Variants in COG3 observed in about 807,000 individuals in gnomAD.
COG3 encodes the protein component of oligomeric golgi complex 3, also known as conserved oligomeric Golgi complex subunit 3.
In COG3, 32 loss-of-function variants were observed where a neutral mutation model predicts 114.1. The ratio of observed to expected loss-of-function variants is 0.28; its 90% CI spans 0.21 to 0.38. The LOEUF is 0.38. Among genes scored for constraint, COG3 ranks in the 10% least tolerant of loss-of-function variants. COG3 has a pLI of 1.00. For missense variants in COG3, 813 were observed against 973.2 expected (o/e 0.84, Z 2.19); for synonymous variants, 352 against 365.7 (o/e 0.96, Z 0.43).
intron 13 of COG3, among the ~76,000 whole-genome samples, chr13:45,499,911 G>A (rs1869267201): frequency 2.0e-5 from 3 of 151,882 alleles, no homozygotes; most frequent in Admixed American, 6.6e-5. Flanking sequence ...CTAGCTACTC[G>A]GGAGGCAGAG....
intron 19 of COG3, among the ~76,000 whole-genome samples, chr13:45,524,473 G>C (rs999841622): frequency 3.9e-5 from 6 of 152,154 alleles, no homozygotes; most frequent in African/African-American, 1.4e-4. Context: ...GTGACTTTTT[G>C]ATGGTATTTG....
Position 45,476,259 on chromosome 13 carries a change from C to T in COG3, c.233C>T (p.Ser78Leu), listed in dbSNP as rs1885856231. 6.2e-7 allele frequency: 1 copy of T among 1,613,590 alleles called. No homozygotes were observed. The highest frequency in any genetic ancestry group is 1.3e-5 in the African/African-American group (1 of 74,906). The change falls in exon 2 of 23, where the codon TCA becomes TTA. Residue 78 changes from serine (S) to leucine (L), a missense_variant. Transcript: ENST00000349995. ...TSQSLPIELTSVVPESTEDIL... is the reference protein window; with the variant it reads ...TSQSLPIELTLVVPESTEDIL... ...CAGTCACTGCCCATTGAACTGACTT[C>T]AGTAGTGCCTGAATCTACAGAAGAC...
chr13:45,529,722 C>A, intron 20 of COG3, 69 bp from the exon 21 acceptor site: 1 of 1,203,080 alleles, frequency 8.3e-7, no homozygotes, highest in Non-Finnish European at 1.2e-6. Flanking sequence ...CTTTATTCCC[C>A]TTTGAATTAA....
At chr13:45,518,622 ACT>A (rs1593742432) in intron 17 of COG3, 138 bp from the exon 18 acceptor site, 1 of 625,144 alleles carries the variant, frequency 1.6e-6, no homozygotes, top group Non-Finnish European at 2.9e-6. Flanking sequence ...TGCTCATCTC[ACT>A]CTCAGCCTTT....
chr13:45,482,735 A>G lies in COG3; in HGVS notation c.717+262A>G, dbSNP rs943256486. Among the ~76,000 whole-genome samples, 6 of 152,354 alleles carry G rather than the reference A, an allele frequency of 3.9e-5. No homozygotes were observed. The East Asian group carries it at 9.6e-4, about 24-fold the overall frequency. On this transcript the variant is annotated intron_variant, in intron 6 of 22. Transcript: ENST00000349995. ...CCTGCAATAGCCCCTGGAATGGAAC[A>G]CATCCTGGCTGACTCAGCTTTATCC... is the stretch of plus-strand genomic sequence containing the variant.
rs757846949 is a variant in COG3 at position 45,534,742 on chromosome 13, C to T, written c.*11C>T. 1.3e-5 allele frequency: 21 copies of T among 1,556,422 alleles called. No homozygotes were observed. Among genetic ancestry groups the T allele is most frequent in the African/African-American group, 8.2e-5 (6 of 73,466 alleles). ...TTGGTTTCTAAATAAGCAGGCCAGC[C>T]GGGCTGTGCACCTAAATGTCTGTCT... On this transcript the variant is annotated 3_prime_UTR_variant, in exon 23 of 23. Coordinates refer to ENST00000349995, the MANE Select transcript of COG3 (RefSeq NM_031431.4).
At position 45,513,183 on chromosome 13, in the gene COG3, T is replaced by TTA. The variant is rs140278870; in HGVS notation, c.1809+1344_1809+1345dup. 1.6e-4 allele frequency among the ~76,000 whole-genome samples: 19 copies of TTA among 122,534 alleles called. 1 individual carries two copies. The highest frequency in any genetic ancestry group is 3.8e-4 in the African/African-American group (13 of 33,892). The allele number at this position is 122,534 out of a possible 152,430, so 80.4% of individuals were successfully genotyped here. On this transcript the variant is annotated intron_variant, in intron 16 of 22. Coordinates refer to ENST00000349995, the MANE Select transcript of COG3 (RefSeq NM_031431.4). Reference sequence around the variant, plus strand: ...TTTATAAACGTGACTTTTAAGGCTTTTATATATATATATATAATATATACA... The same window carrying TTA: ...TTTATAAACGTGACTTTTAAGGCTTTTATATATATATATATATAATATATACA...
rs1555296637 is a variant in COG3, at chr13:45,498,783, C to CT, written c.1488+2486dup. 4.3e-3 allele frequency among the ~76,000 whole-genome samples: 447 copies of CT among 103,002 alleles called. 2 individuals carry two copies. Among genetic ancestry groups the CT allele is most frequent in the South Asian group, 0.012 (38 of 3,180 alleles). The allele number at this position is 103,002 out of a possible 152,430, so 67.6% of individuals were successfully genotyped here. ...TGGGAAGCAGTTTTGCTATTTTGTT[C>CT]TTTTTTTTTTTTTTTCAAATTGTTT... is the stretch of plus-strand genomic sequence containing the variant. On this transcript the variant is annotated intron_variant, in intron 13 of 22. Transcript: ENST00000349995.
At chr13:45,517,794 A>T (rs986963060) in intron 17 of COG3, among the ~76,000 whole-genome samples, 5 of 151,798 alleles carry the variant, frequency 3.3e-5, no homozygotes, top group Admixed American at 1.3e-4. Flanking sequence ...ACTTTCTTTC[A>T]TTTTTTTCTA....
At chr13:45,504,259 C>A (rs1275482965) in intron 14 of COG3, among the ~76,000 whole-genome samples, 1 of 152,210 alleles carries the variant, frequency 6.6e-6, no homozygotes, top group Non-Finnish European at 1.5e-5. Flanking sequence ...GACTGTCAAG[C>A]AGCTGGATAT....
chr13:45,475,991 G>A (rs1378943208), intron 1 of COG3, among the ~76,000 whole-genome samples: 1 of 151,848 alleles, frequency 6.6e-6, no homozygotes, highest in African/African-American at 2.4e-5. Context: ...CTTACTAATG[G>A]TGGGACATCA....
At chr13:45,517,542 C>T (rs1159241448) in intron 17 of COG3, among the ~76,000 whole-genome samples, 2 of 150,262 alleles carry the variant, frequency 1.3e-5, no homozygotes, top group Non-Finnish European at 2.9e-5. Context: ...AAGTGGCACA[C>T]CATGTGTTTT....
chr13:45,475,776 G>A (rs1260295002), intron 1 of COG3, among the ~76,000 whole-genome samples: 2 of 151,850 alleles, frequency 1.3e-5, no homozygotes, highest in Non-Finnish European at 2.9e-5. Flanking sequence ...ACCAGCCTGG[G>A]CAACATGTAT....
At chr13:45,479,855 T>C (rs984367373) in intron 3 of COG3, among the ~76,000 whole-genome samples, 4 of 152,228 alleles carry the variant, frequency 2.6e-5, no homozygotes, top group South Asian at 2.1e-4. Context: ...GTTGAGCCAG[T>C]GATTCATTGC....
intron 20 of COG3, among the ~76,000 whole-genome samples, chr13:45,529,403 T>C (rs1236090886): frequency 6.6e-6 from 1 of 152,190 alleles, no homozygotes; most frequent in Non-Finnish European, 1.5e-5. Context: ...GTGAGTCATT[T>C]CTGCAAATGA....
chr13:45,474,178 G>A, intron 1 of COG3, among the ~76,000 whole-genome samples: 1 of 79,510 alleles, frequency 1.3e-5, no homozygotes, highest in South Asian at 3.9e-4. Flanking sequence ...TTTTTTTTGA[G>A]ATGGAGTCTC....
intron 2 of COG3, among the ~76,000 whole-genome samples, chr13:45,478,678 G>A (rs576450393): frequency 1.3e-4 from 19 of 151,996 alleles, no homozygotes; most frequent in Admixed American, 3.3e-4. Context: ...TAGTAGAGAC[G>A]GGGTTTTACC....
chr13:45,474,151 C>CT (rs10558884), intron 1 of COG3, among the ~76,000 whole-genome samples: 1,357 of 81,872 alleles, frequency 0.017, 65 homozygotes, highest in African/African-American at 0.056. Flanking sequence ...CTTTTTTACT[C>CT]TTTTTTTTTT....
At chr13:45,486,368 G>GAGGGAC in intron 7 of COG3, 127 bp from the exon 8 acceptor site, 1 of 655,384 alleles carries the variant, frequency 1.5e-6, no homozygotes, top group South Asian at 1.7e-5. Flanking sequence ...GGGAGAGGGA[G>GAGGGAC]ACTCTCCCTA....
Sources: gnomAD v4.1 joint callset for allele counts (sites outside exome capture counted in the v4.1 genomes callset) on GRCh38, gnomAD v4.1.1 for gene constraint, MANE v1.5 for transcripts, NCBI Gene and HGNC (gene_info 2026-07-23, HGNC 2026-07-21) for gene names.